Variants in MLIP observed in about 807,000 individuals in gnomAD.
MLIP encodes the protein muscular LMNA interacting protein.
A neutral mutation model predicts 84.8 loss-of-function variants in MLIP; 79 were observed. The ratio of observed to expected loss-of-function variants is 0.93; its 90% CI spans 0.78 to 1.12. The LOEUF is 1.12. Among genes scored for constraint, MLIP ranks in the 50% most tolerant of loss-of-function variants. The pLI is 0.00. For synonymous variants in MLIP, 504 were observed against 463.0 expected (o/e 1.09, Z -1.14); for missense variants, 1,257 against 1,160.6 (o/e 1.08, Z -1.21).
At position 54,111,648 on chromosome 6, in the gene MLIP, C is replaced by A. The variant is rs1056485357; in HGVS notation, c.96+73C>A. ...TGTACGGTGCTGGTGGTATTTGCTG[C>A]AAGGATGTGAGGGAGAGCTGCCCAG... On this transcript the variant is annotated intron_variant, in intron 1 of 13. Transcript: ENST00000502396. The A allele has an allele frequency of 1.5e-5, 22 of 1,456,708 alleles. No homozygotes were observed. The Admixed American group carries it at 4.4e-4, about 29-fold the overall frequency. The allele number at this position is 1,456,708 out of a possible 1,614,324, so 90.2% of individuals were successfully genotyped here.
intron 12 of MLIP, among the ~76,000 whole-genome samples, chr6:54,247,744 C>T (rs762520427): frequency 1.8e-4 from 27 of 152,194 alleles, no homozygotes; most frequent in Non-Finnish European, 3.8e-4. Flanking sequence ...CTTAGCTCAT[C>T]TGCCTGCCAA....
intron 13 of MLIP, among the ~76,000 whole-genome samples, chr6:54,257,749 T>A (rs561273432): frequency 3.3e-5 from 5 of 152,008 alleles, no homozygotes; most frequent in Non-Finnish European, 7.4e-5. Flanking sequence ...TCTCATGGTA[T>A]CTCAGTTTCA....
At chr6:54,173,610 A>G (rs901516821) in intron 9 of MLIP, among the ~76,000 whole-genome samples, 1 of 151,824 alleles carries the variant, frequency 6.6e-6, no homozygotes, top group Non-Finnish European at 1.5e-5. Flanking sequence ...GTGGGTACAT[A>G]GTAGGTATGT....
chr6:54,134,826 G>A (rs1038438265), intron 3 of MLIP, among the ~76,000 whole-genome samples: 6 of 151,988 alleles, frequency 3.9e-5, no homozygotes, highest in Non-Finnish European at 1.5e-5. Flanking sequence ...AGAGTTTTGT[G>A]ACTGCTGTTA....
At chr6:54,168,200 C>T (rs1775392808) in intron 8 of MLIP, among the ~76,000 whole-genome samples, 1 of 151,886 alleles carries the variant, frequency 6.6e-6, no homozygotes, top group South Asian at 2.1e-4. Context: ...TGCACTTGTT[C>T]CCTCTTGTTG....
At chr6:54,107,049 C>T (rs140685078), upstream of MLIP, among the ~76,000 whole-genome samples, 23 of 152,250 alleles carry the variant, frequency 1.5e-4, no homozygotes, top group East Asian at 4.2e-3. Context: ...AGAGAGTGAA[C>T]CACATACACT....
At chr6:54,239,824 G>A (rs918218279) in intron 12 of MLIP, among the ~76,000 whole-genome samples, 1 of 151,770 alleles carries the variant, frequency 6.6e-6, no homozygotes, top group Admixed American at 6.6e-5. Flanking sequence ...ATAAAATAAA[G>A]TGTTTTGAAA....
intron 11 of MLIP, among the ~76,000 whole-genome samples, chr6:54,212,076 G>A (rs1159108765): frequency 6.6e-6 from 1 of 152,112 alleles, no homozygotes; most frequent in African/African-American, 2.4e-5. Flanking sequence ...TGTTTGATAA[G>A]GAATGTACAT....
At chr6:54,252,656 A>C (rs1327255990) in intron 12 of MLIP, among the ~76,000 whole-genome samples, 1 of 151,438 alleles carries the variant, frequency 6.6e-6, no homozygotes, top group Non-Finnish European at 1.5e-5. Flanking sequence ...GGTGGGGACT[A>C]TGTTTATATG....
intron 8 of MLIP, among the ~76,000 whole-genome samples, chr6:54,161,015 A>G (rs1396555468): frequency 6.6e-6 from 1 of 152,044 alleles, no homozygotes; most frequent in African/African-American, 2.4e-5. Context: ...CATATAATGC[A>G]AGGTAAGTGT....
At chr6:54,146,441 T>G (rs898949186) in intron 4 of MLIP, among the ~76,000 whole-genome samples, 1 of 151,846 alleles carries the variant, frequency 6.6e-6, no homozygotes, top group African/African-American at 2.4e-5. Flanking sequence ...TATCAGGGAG[T>G]TGGTGAAGGA....
intron 1 of MLIP, among the ~76,000 whole-genome samples, chr6:54,049,607 C>G (rs1466071456): frequency 6.6e-6 from 1 of 152,120 alleles, no homozygotes; most frequent in African/African-American, 2.4e-5. Context: ...TAAGATACAG[C>G]TTTATTATGT....
intron 13 of MLIP, among the ~76,000 whole-genome samples, chr6:54,257,706 A>G (rs1783103272): frequency 6.6e-6 from 1 of 152,042 alleles, no homozygotes; most frequent in Non-Finnish European, 1.5e-5. Context: ...CCCATAATCC[A>G]TATGGTGTGT....
At chr6:54,056,992 A>T (rs372552089) in intron 1 of MLIP, among the ~76,000 whole-genome samples, 10 of 152,358 alleles carry the variant, frequency 6.6e-5, no homozygotes, top group African/African-American at 2.4e-4. Flanking sequence ...AATTGCTTAA[A>T]GGCATAGGGT....
rs546664177 is a variant in MLIP at position 54,121,626 on chromosome 6, T to A, written c.252+24T>A. 228 of 1,501,908 alleles carry A rather than the reference T, an allele frequency of 1.5e-4. 1 individual carries two copies. The highest frequency in any genetic ancestry group is 1.9e-4 in the Middle Eastern group (1 of 5,316). 93.0% of individuals were successfully genotyped at this position (1,501,908 alleles called of 1,614,324 possible). ...GGGTAGGATTATTTTTATTCTTTTT[T>A]AATTTCAAACAATTATATTAAATTT... On this transcript the variant is annotated intron_variant, in intron 2 of 13. Coordinates refer to ENST00000502396, the MANE Select transcript of MLIP (RefSeq NM_001281747.2).
At chr6:54,131,803 A>G (rs976335218) in intron 3 of MLIP, among the ~76,000 whole-genome samples, 2 of 152,220 alleles carry the variant, frequency 1.3e-5, no homozygotes, top group African/African-American at 4.8e-5. Context: ...TTAAAACACA[A>G]TATTTTATTT....
At chr6:54,181,449 G>T (rs1776860545) in intron 9 of MLIP, among the ~76,000 whole-genome samples, 3 of 152,074 alleles carry the variant, frequency 2.0e-5, no homozygotes, top group Non-Finnish European at 4.4e-5. Flanking sequence ...GTCCAGAAAT[G>T]ATGTCTAAGA....
At chr6:54,228,718 C>T (rs1780777185) in intron 11 of MLIP, among the ~76,000 whole-genome samples, 1 of 152,212 alleles carries the variant, frequency 6.6e-6, no homozygotes, top group Non-Finnish European at 1.5e-5. Context: ...TTCCCCCTGA[C>T]AACCTGAGAA....
chr6:54,035,908 C>G (rs1372038395), intron 1 of MLIP, among the ~76,000 whole-genome samples: 2 of 151,882 alleles, frequency 1.3e-5, no homozygotes, highest in Non-Finnish European at 2.9e-5. Context: ...TATTTTCTAC[C>G]AGGTTGTAGC....
Sources: gnomAD v4.1 joint callset for allele counts (sites outside exome capture counted in the v4.1 genomes callset) on GRCh38, gnomAD v4.1.1 for gene constraint, MANE v1.5 for transcripts, NCBI Gene and HGNC (gene_info 2026-07-23, HGNC 2026-07-21) for gene names.